The following GALNTL6 variants were observed in gnomAD, a reference collection of about 807,000 sequenced individuals.
GALNTL6 encodes the protein polypeptide N-acetylgalactosaminyltransferase like 6, also known as polypeptide N-acetylgalactosaminyltransferase-like 6.
A neutral mutation model predicts 73.7 loss-of-function variants in GALNTL6; 46 were observed. The ratio of observed to expected loss-of-function variants is 0.62; its 90% CI spans 0.49 to 0.80. The LOEUF (loss-of-function observed/expected upper bound fraction) is 0.80. Ranked by LOEUF, GALNTL6 falls within the 30% of genes least tolerant of loss-of-function variation. The pLI is 0.00. For synonymous variants in GALNTL6, 259 were observed against 263.7 expected, an observed-to-expected ratio of 0.98 and a Z score of 0.17; for missense variants, 604 against 755.0, an observed-to-expected ratio of 0.80 and a Z score of 2.34.
At chr4:172,471,987 G>A (rs1733069383) in intron 5 of GALNTL6, among the ~76,000 whole-genome samples, 2 of 152,154 alleles carry the variant, frequency 1.3e-5, no homozygotes, top group Non-Finnish European at 2.9e-5. Context: ...CCTGGGAAAT[G>A]TTCAGATAAG....
intron 2 of GALNTL6, among the ~76,000 whole-genome samples, chr4:171,822,729 A>G (rs867355280): frequency 6.6e-6 from 1 of 152,228 alleles, no homozygotes. Flanking sequence ...ATAGACCCAG[A>G]GGGAAATAAG....
At chr4:171,961,405 G>A (rs1236207406) in intron 2 of GALNTL6, among the ~76,000 whole-genome samples, 2 of 151,952 alleles carry the variant, frequency 1.3e-5, no homozygotes, top group Non-Finnish European at 2.9e-5. Flanking sequence ...GTATTTGATG[G>A]TACAAACCCA....
intron 8 of GALNTL6, among the ~76,000 whole-genome samples, chr4:172,887,165 G>C (rs920584721): frequency 3.3e-5 from 5 of 152,146 alleles, no homozygotes; most frequent in Admixed American, 1.3e-4. Flanking sequence ...AAATGATTTT[G>C]TTCACTTTTT....
chr4:172,811,616 A>T (rs1741304164), intron 6 of GALNTL6, among the ~76,000 whole-genome samples: 1 of 152,164 alleles, frequency 6.6e-6, no homozygotes, highest in African/African-American at 2.4e-5. Context: ...CTGGTAAAAA[A>T]CAAATGCTTA....
intron 3 of GALNTL6, among the ~76,000 whole-genome samples, chr4:172,276,218 G>A (rs1486949171): frequency 6.6e-6 from 1 of 152,138 alleles, no homozygotes; most frequent in African/African-American, 2.4e-5. Context: ...GAAGAAACAT[G>A]TACTTGTTTT....
At chr4:171,874,233 C>T (rs547459352) in intron 2 of GALNTL6, among the ~76,000 whole-genome samples, 3 of 152,160 alleles carry the variant, frequency 2.0e-5, no homozygotes, top group Non-Finnish European at 4.4e-5. Context: ...GACACAAAGT[C>T]ATTCTGTCAT....
chr4:172,123,240 G>A (rs10012756), intron 2 of GALNTL6, among the ~76,000 whole-genome samples: 67,313 of 151,878 alleles, frequency 0.44, 15,564 homozygotes, highest in African/African-American at 0.56. Context: ...TAATGCTTCC[G>A]ATTGTATCAT....
intron 5 of GALNTL6, among the ~76,000 whole-genome samples, chr4:172,782,938 A>G (rs946851354): frequency 2.5e-4 from 38 of 152,150 alleles, no homozygotes; most frequent in Admixed American, 1.4e-3. Flanking sequence ...TGGTCTAGAA[A>G]AAATGTCACA....
intron 5 of GALNTL6, among the ~76,000 whole-genome samples, chr4:172,552,716 A>C (rs1735996806): frequency 6.6e-6 from 1 of 151,318 alleles, no homozygotes; most frequent in Non-Finnish European, 1.5e-5. Flanking sequence ...GTTAATCTTA[A>C]AAGTCAATGT....
chr4:172,552,011 C>G (rs1735973888), intron 5 of GALNTL6, among the ~76,000 whole-genome samples: 1 of 152,144 alleles, frequency 6.6e-6, no homozygotes, highest in Non-Finnish European at 1.5e-5. Flanking sequence ...ATTAAATTAT[C>G]TCACTATGTA....
chr4:172,959,720 T>A (rs1579710250), intron 10 of GALNTL6, among the ~76,000 whole-genome samples: 3 of 151,950 alleles, frequency 2.0e-5, no homozygotes, highest in Non-Finnish European at 2.9e-5. Flanking sequence ...GGCTGCCAGG[T>A]GAGTTGAACA....
chr4:172,552,837 T>TTAAAAA (rs1206029152), intron 5 of GALNTL6, among the ~76,000 whole-genome samples: 2 of 80,410 alleles, frequency 2.5e-5, no homozygotes, highest in East Asian at 8.7e-4. Flanking sequence ...GTAATTGCAG[T>TTAAAAA]AAAAAAAAAA....
chr4:172,193,466 C>T (rs866895696), intron 2 of GALNTL6, among the ~76,000 whole-genome samples: 1 of 152,106 alleles, frequency 6.6e-6, no homozygotes, highest in South Asian at 2.1e-4. Flanking sequence ...GAAAAACAAA[C>T]CAAAAGCAAC....
chr4:172,421,595 CTG>C (rs1731054166), intron 5 of GALNTL6, among the ~76,000 whole-genome samples: 1 of 151,714 alleles, frequency 6.6e-6, no homozygotes, highest in African/African-American at 2.4e-5. Context: ...TTAGAGAAAA[CTG>C]TAAAATAAAT....
At chr4:172,950,831 G>T (rs1017549528) in intron 9 of GALNTL6, among the ~76,000 whole-genome samples, 1 of 152,194 alleles carries the variant, frequency 6.6e-6, no homozygotes, top group Non-Finnish European at 1.5e-5. Context: ...ACAGGAGTGG[G>T]TCAATGCTCG....
At chr4:172,364,860 G>T (rs909924125) in intron 5 of GALNTL6, among the ~76,000 whole-genome samples, 8 of 152,156 alleles carry the variant, frequency 5.3e-5, no homozygotes, top group Non-Finnish European at 1.2e-4. Flanking sequence ...AGCAGAAAAA[G>T]AATCATAGAG....
At chr4:172,818,996 A>C (rs2111016786) in intron 7 of GALNTL6, among the ~76,000 whole-genome samples, 1 of 152,312 alleles carries the variant, frequency 6.6e-6, no homozygotes, top group South Asian at 2.1e-4. Context: ...TAGCCTTCAA[A>C]TGTCCCTAGG....
chr4:172,366,448 C>A (rs955123616), intron 5 of GALNTL6, among the ~76,000 whole-genome samples: 1 of 151,810 alleles, frequency 6.6e-6, no homozygotes, highest in South Asian at 2.1e-4. Context: ...AATTTTATTC[C>A]TTCTCTTGGA....
chr4:172,519,010 G>C (rs970992243), intron 5 of GALNTL6, among the ~76,000 whole-genome samples: 2 of 151,510 alleles, frequency 1.3e-5, no homozygotes, highest in East Asian at 3.9e-4. Context: ...ACTCAGTGTT[G>C]ACTATCATGA....
Sources: gnomAD v4.1 joint callset for allele counts (sites outside exome capture counted in the v4.1 genomes callset) on GRCh38, gnomAD v4.1.1 for gene constraint, MANE v1.5 for transcripts, NCBI Gene and HGNC (gene_info 2026-07-23, HGNC 2026-07-21) for gene names.